GRM7: variants seen among roughly 807,000 people sequenced by gnomAD.
The protein encoded by GRM7 is glutamate metabotropic receptor 7, also known as metabotropic glutamate receptor 7.
GRM7 carries 35 observed loss-of-function variants against 84.5 expected under a neutral mutation model. The ratio of observed to expected loss-of-function variants is 0.41; its 90% CI spans 0.32 to 0.55. The LOEUF (loss-of-function observed/expected upper bound fraction) is 0.55. Ranked by LOEUF, GRM7 falls within the 20% of genes least tolerant of loss-of-function variation. The pLI, the probability that GRM7 is intolerant of heterozygous loss-of-function variation, is 0.19. For missense variants in GRM7, 1,003 were observed against 1,194.6 expected, an observed-to-expected ratio of 0.84 and a Z score of 2.36; for synonymous variants, 487 against 455.1, an observed-to-expected ratio of 1.07 and a Z score of -0.89.
At position 6,862,858 on chromosome 3, in the gene GRM7, G is replaced by A. The variant is rs1694808399; in HGVS notation, c.519+951G>A. On this transcript the variant is annotated intron_variant, in intron 1 of 9. Coordinates refer to ENST00000357716, the MANE Select transcript of GRM7 (RefSeq NM_000844.4). This position sits in a 1 kb window ranked among gnomAD's most constrained non-coding sequence, Gnocchi z 5.2. ...GGGGTGCGTGAAGCGGGGCCCCGTG[G>A]TCCTCCTGCTCCGGTGCCGGAGGGA... 2.8e-6 allele frequency: 1 copy of A among 357,758 alleles called. No homozygotes were observed. Among genetic ancestry groups the A allele is most frequent in the South Asian group, 2.0e-5 (1 of 49,580 alleles). The allele number at this position is 357,758 out of a possible 1,614,324, so 22.2% of individuals were successfully genotyped here.
At chr3:6,911,457 A>T (rs1272948909) in intron 1 of GRM7, among the ~76,000 whole-genome samples, 1 of 152,112 alleles carries the variant, frequency 6.6e-6, no homozygotes, top group African/African-American at 2.4e-5. Context: ...GACAACTGTT[A>T]TTAGTTTCTT....
chr3:7,128,316 G>T (rs1257553171), intron 1 of GRM7, among the ~76,000 whole-genome samples: 1 of 151,624 alleles, frequency 6.6e-6, no homozygotes, highest in Non-Finnish European at 1.5e-5. Context: ...TTCTATGCAT[G>T]AATATAAACA....
chr3:7,649,797 A>AATTT (rs1016009665), intron 8 of GRM7, among the ~76,000 whole-genome samples: 1 of 149,508 alleles, frequency 6.7e-6, no homozygotes, highest in Non-Finnish European at 1.5e-5. Flanking sequence ...TTTCCACCCA[A>AATTT]ATTTATTTCT....
chr3:7,392,041 T>G (rs1499079), intron 4 of GRM7, among the ~76,000 whole-genome samples: 141,589 of 152,216 alleles, frequency 0.93, 66,143 homozygotes, highest in African/African-American at 0.98. Flanking sequence ...GCTGGTGCAG[T>G]TTCACGTTTT....
intron 8 of GRM7, among the ~76,000 whole-genome samples, chr3:7,676,327 C>A (rs1433563430): frequency 6.6e-6 from 1 of 152,062 alleles, no homozygotes; most frequent in Non-Finnish European, 1.5e-5. Context: ...CCCTGGGGAC[C>A]AATACCTCTG....
rs945585343 is a variant in GRM7, at chr3:7,486,031, A to G, written c.1515+24309A>G. Reference sequence around the variant, plus strand: ...AAACAAATACAGTAAATGTGTATTTATTTACATACCACATCTTATAGAAGT... The same window carrying G: ...AAACAAATACAGTAAATGTGTATTTGTTTACATACCACATCTTATAGAAGT... On this transcript the variant is annotated intron_variant, in intron 7 of 9. Transcript: ENST00000357716. The surrounding 1 kb of genome is among the most constrained non-coding windows in gnomAD (Gnocchi z 5.5). Among the ~76,000 whole-genome samples the G allele has an allele frequency of 6.6e-6, 1 of 152,172 alleles. No individual in the cohort carries two copies. The highest frequency in any genetic ancestry group is 1.5e-5 in the Non-Finnish European group (1 of 68,038).
intron 1 of GRM7, among the ~76,000 whole-genome samples, chr3:7,103,772 T>C (rs1440888136): frequency 9.9e-6 from 1 of 101,440 alleles, no homozygotes; most frequent in African/African-American, 6.2e-5. Flanking sequence ...CTTTCTTTCT[T>C]TCTTTCTTTC....
chr3:7,091,224 A>AC, intron 1 of GRM7, among the ~76,000 whole-genome samples: 1 of 151,618 alleles, frequency 6.6e-6, no homozygotes, highest in South Asian at 2.1e-4. Context: ...AAAAAAAAAA[A>AC]GAAAAAAGAA....
At position 7,310,332 on chromosome 3, in the gene GRM7, A is replaced by C. The variant is rs117747070; in HGVS notation, c.1033+3680A>C. ...ATGTATGTAGGAATAGACAAAACATACTCTGGACCCAGCATTAAAGAGCTA... is the reference window on the plus strand; with the variant it reads ...ATGTATGTAGGAATAGACAAAACATCCTCTGGACCCAGCATTAAAGAGCTA... On this transcript the variant is annotated intron_variant, in intron 4 of 9. Coordinates refer to ENST00000357716, the MANE Select transcript of GRM7 (RefSeq NM_000844.4). 6.4e-4 allele frequency among the ~76,000 whole-genome samples: 98 copies of C among 152,284 alleles called. No individual in the cohort carries two copies. The East Asian group carries it at 0.018, about 28-fold the overall frequency.
rs181330195 is a variant in GRM7 at position 7,086,429 on chromosome 3, T to C, written c.520-60023T>C. On this transcript the variant is annotated intron_variant, in intron 1 of 9. Coordinates refer to ENST00000357716, the MANE Select transcript of GRM7 (RefSeq NM_000844.4). ...ACAGGTCAGTCAAGCTTAGTTAAAT[T>C]TGAGTATTCAAGAGTTTTGTTATAT... Among the ~76,000 whole-genome samples the C allele has an allele frequency of 5.3e-5, 8 of 152,290 alleles. No homozygotes were observed. In the East Asian group the frequency reaches 1.5e-3, roughly 29 times the overall value.
chr3:7,468,716 G>A (rs1423536990), intron 7 of GRM7, among the ~76,000 whole-genome samples: 2 of 152,056 alleles, frequency 1.3e-5, no homozygotes, highest in African/African-American at 2.4e-5. Context: ...TCATTGGGGT[G>A]GTTTCCCACA....
rs543597945 is a variant in GRM7 at position 7,222,073 on chromosome 3, T to C, written c.736+75405T>C. 8.2e-4 allele frequency among the ~76,000 whole-genome samples: 125 copies of C among 152,210 alleles called. 2 individuals are homozygous for C. The South Asian group carries it at 0.025, about 30-fold the overall frequency. On this transcript the variant is annotated intron_variant, in intron 2 of 9. Transcript: ENST00000357716. ...ATCTGCCCATCTCAGCCTCCCAAAG[T>C]GCTAGGATTACAGGCGCGAGCCCCC...
chr3:7,470,169 C>A (rs1698640900), intron 7 of GRM7, among the ~76,000 whole-genome samples: 1 of 152,172 alleles, frequency 6.6e-6, no homozygotes, highest in South Asian at 2.1e-4. Context: ...TTCACCTAAT[C>A]TAGACTTAGA....
chr3:7,068,263 A>G (rs1697739404), intron 1 of GRM7, among the ~76,000 whole-genome samples: 1 of 152,026 alleles, frequency 6.6e-6, no homozygotes, highest in South Asian at 2.1e-4. Context: ...ATATAGGACT[A>G]CAGTCTGTTT....
At position 7,524,146 on chromosome 3, in the gene GRM7, A is replaced by C. The variant is rs1397547984; in HGVS notation, c.1516-54276A>C. Among the ~76,000 whole-genome samples, 43 of 151,600 alleles carry C rather than the reference A, an allele frequency of 2.8e-4. 1 individual carries two copies. Among genetic ancestry groups the C allele is most frequent in the Non-Finnish European group, 1.2e-4 (8 of 67,946 alleles). ...GGTTAAAGACTTAAACGTTAGACCT[A>C]AAACCATAAAAACCCTAGAAGAAAA... On this transcript the variant is annotated intron_variant, in intron 7 of 9. Transcript: ENST00000357716.
At chr3:6,916,856 TAAG>T (rs2125025247) in intron 1 of GRM7, among the ~76,000 whole-genome samples, 1 of 152,194 alleles carries the variant, frequency 6.6e-6, no homozygotes, top group African/African-American at 2.4e-5. Context: ...TCCTGATATG[TAAG>T]AAGAAAAAAA....
intron 5 of GRM7, among the ~76,000 whole-genome samples, chr3:7,440,816 G>T (rs1269128532): frequency 6.6e-6 from 1 of 152,122 alleles, no homozygotes; most frequent in Non-Finnish European, 1.5e-5. Context: ...TGCTGCAAAA[G>T]ATATTATCTC....
At chr3:7,383,742 A>G (rs1465917964) in intron 4 of GRM7, among the ~76,000 whole-genome samples, 7 of 152,188 alleles carry the variant, frequency 4.6e-5, no homozygotes, top group Admixed American at 2.0e-4. Flanking sequence ...ATCTGCATTC[A>G]AGTCATTCAA....
chr3:7,172,629 A>G (rs963147109), intron 2 of GRM7, among the ~76,000 whole-genome samples: 2 of 146,056 alleles, frequency 1.4e-5, no homozygotes, highest in Non-Finnish European at 1.5e-5. Context: ...GTCAATGGCT[A>G]TAAACTTAAC....
Sources: allele counts gnomAD v4.1 joint callset (sites outside exome capture counted in the v4.1 genomes callset), GRCh38; gene constraint gnomAD v4.1.1; non-coding constraint Gnocchi (gnomAD v3.1); transcripts MANE v1.5; gene names NCBI Gene and HGNC (gene_info 2026-07-23, HGNC 2026-07-21).